The following PLCH2 variants were observed in gnomAD, a reference collection of about 807,000 sequenced individuals.
The protein encoded by PLCH2 is phospholipase C eta 2.
A neutral mutation model predicts 134.7 loss-of-function variants in PLCH2; 98 were observed. The observed-to-expected ratio is 0.73, with a 90% CI of 0.62 to 0.86. The LOEUF is 0.86. Among genes scored for constraint, PLCH2 ranks in the 40% least tolerant of loss-of-function variants. The pLI, the probability that PLCH2 is intolerant of heterozygous loss-of-function variation, is 0.00. For synonymous variants in PLCH2, 974 were observed against 827.5 expected, an observed-to-expected ratio of 1.18 and a Z score of -3.04; for missense variants, 1,994 against 1,986.6, an observed-to-expected ratio of 1.00 and a Z score of -0.07.
chr1:2,498,956 T>C lies in PLCH2; in HGVS notation c.2434+128T>C. ...TGACAGTCCTGGGCGCCCTCCCCTCTAGGTGGGCAGTCCCGGAAGCAGCAC... is the reference window on the plus strand; with the variant it reads ...TGACAGTCCTGGGCGCCCTCCCCTCCAGGTGGGCAGTCCCGGAAGCAGCAC... On this transcript the variant is annotated intron_variant, in intron 18 of 21. Transcript: ENST00000378486. This position sits in a 1 kb window ranked among gnomAD's most constrained non-coding sequence, Gnocchi z 5.4. 1 of 1,381,100 alleles carries C rather than the reference T, an allele frequency of 7.2e-7. No individual in the cohort carries two copies. The highest frequency in any genetic ancestry group is 1.0e-6 in the Non-Finnish European group (1 of 1,000,858). 85.6% of individuals were successfully genotyped at this position (1,381,100 alleles called of 1,614,324 possible).
intron 1 of PLCH2, among the ~76,000 whole-genome samples, chr1:2,477,299 A>G (rs1641687985): frequency 2.0e-5 from 3 of 151,880 alleles, no homozygotes; most frequent in Admixed American, 2.0e-4. Context: ...CCTCTCCTAA[A>G]TCCCTGCAGC....
chr1:2,504,024 C>T lies in PLCH2; in HGVS notation c.3062C>T (p.Ala1021Val). Residue 1021 changes from alanine to valine, a missense_variant, in exon 22 of 22, where the codon GCT becomes GTT. This residue lies in a region of PLCH2 where 900 missense variants were observed against 752.3 expected (regional missense o/e 1.20). Transcript: ENST00000378486. ...APGPGPPPPA[A>V]VPTSSSQGRP... ...GGCCCTGGTCCCCCGCCACCAGCGG[C>T]TGTCCCCACCAGCTCTTCTCAGGGA... The T allele has an allele frequency of 6.5e-7, 1 of 1,536,090 alleles. No homozygotes were observed. The highest frequency in any genetic ancestry group is 8.8e-7 in the Non-Finnish European group (1 of 1,134,888).
the PLCH2 span, among the ~76,000 whole-genome samples, chr1:2,419,287 C>T: frequency 6.6e-6 from 1 of 152,218 alleles, no homozygotes; most frequent in Non-Finnish European, 1.5e-5. Flanking sequence ...ATCCGTAAAT[C>T]CATCTATCCC....
chr1:2,420,479 C>T, the PLCH2 span, among the ~76,000 whole-genome samples: 21 of 152,230 alleles, frequency 1.4e-4, no homozygotes, highest in African/African-American at 4.8e-4. Context: ...GGTTATGTCC[C>T]GGTAGGTAGG....
At chr1:2,501,809 A>C in intron 20 of PLCH2, 1 of 362,422 alleles carries the variant, frequency 2.8e-6, no homozygotes, top group South Asian at 1.2e-4. Context: ...CCTTCTCTCC[A>C]TGCCCCTCAA....
chr1:2,499,067 T>C lies in PLCH2; in HGVS notation c.2435-17T>C. ...GGCCCTCCCCATGGGACACTCCTCC[T>C]GGCGCTGCTTCCCCAGGGTTCAACC... On this transcript the variant is annotated splice_polypyrimidine_tract_variant and intron_variant, in intron 18 of 21. Coordinates refer to ENST00000378486, the MANE Select transcript of PLCH2 (RefSeq NM_014638.4). The C allele has an allele frequency of 1.9e-6, 3 of 1,602,728 alleles. No homozygotes were observed. The highest frequency in any genetic ancestry group is 2.6e-6 in the Non-Finnish European group (3 of 1,175,500).
At chr1:2,456,554 C>T (rs1640504144) in intron 2 of PLCH2, among the ~76,000 whole-genome samples, 1 of 152,232 alleles carries the variant, frequency 6.6e-6, no homozygotes, top group African/African-American at 2.4e-5. Context: ...GGTGGCTCGT[C>T]CTGTGCAGCC....
intron 2 of PLCH2, among the ~76,000 whole-genome samples, chr1:2,431,481 C>T (rs1489155908): frequency 1.3e-5 from 2 of 152,168 alleles, no homozygotes; most frequent in Non-Finnish European, 2.9e-5. Context: ...ACAGCCCCTG[C>T]CGGGCTTGGG....
rs1331442900 is a variant in PLCH2 at position 2,439,584 on chromosome 1, C to A, written c.115+8955C>A. Among the ~76,000 whole-genome samples the A allele has an allele frequency of 1.3e-5, 2 of 152,238 alleles. No individual in the cohort carries two copies. The highest frequency in any genetic ancestry group is 4.1e-4 in the South Asian group (2 of 4,834). On this transcript the variant is annotated intron_variant, in intron 2 of 3. Coordinates refer to the PLCH2 transcript ENST00000609981. This position sits in a 1 kb window ranked among gnomAD's most constrained non-coding sequence, Gnocchi z 4.7. ...AAGCCCATTGATTGAGTTGCGTGCA[C>A]GTGCTCTCTCTGCAGTGCTCAGCTG...
intron 10 of PLCH2, 31 bp downstream of exon 10, chr1:2,489,898 G>GA: frequency 6.8e-7 from 1 of 1,468,310 alleles, no homozygotes; most frequent in Non-Finnish European, 9.5e-7. Flanking sequence ...AGGGGGGCGC[G>GA]TGGAGCCTGC....
chr1:2,488,794 G>T lies in PLCH2; in HGVS notation c.1236-413G>T, dbSNP rs140711939. 8.7e-3 allele frequency among the ~76,000 whole-genome samples: 1,325 copies of T among 152,282 alleles called. 5 individuals carry two copies. Among genetic ancestry groups the T allele is most frequent in the Non-Finnish European group, 0.01 (709 of 68,026 alleles). ...GACCCCAGGGCCATTCAGAGGACAG[G>T]GTCCCCAGTATCTAGGTCAAAAGGA... On this transcript the variant is annotated intron_variant, in intron 8 of 21. Coordinates refer to ENST00000378486, the MANE Select transcript of PLCH2 (RefSeq NM_014638.4).
At chr1:2,496,503 G>A in intron 13 of PLCH2, 104 bp from the exon 14 acceptor site, 1 of 928,220 alleles carries the variant, frequency 1.1e-6, no homozygotes, top group Non-Finnish European at 1.7e-6. Flanking sequence ...GGGGCCTGCT[G>A]CGTGAATTAA....
upstream of PLCH2, among the ~76,000 whole-genome samples, chr1:2,474,385 T>A (rs1570387979): frequency 1.2e-5 from 1 of 84,214 alleles, no homozygotes; most frequent in East Asian, 2.8e-4. Context: ...GGCAGAGGCC[T>A]GTGTCAGGAA....
chr1:2,465,067 C>A (rs559851175), upstream of PLCH2, among the ~76,000 whole-genome samples: 2 of 152,248 alleles, frequency 1.3e-5, no homozygotes, highest in South Asian at 4.1e-4. Flanking sequence ...CATTGCACAT[C>A]AAGGAAACTG....
At chr1:2,422,224 G>A (rs1471255767), upstream of PLCH2, among the ~76,000 whole-genome samples, 6 of 152,198 alleles carry the variant, frequency 3.9e-5, no homozygotes, top group Middle Eastern at 3.4e-3. Flanking sequence ...AGCCGAGATC[G>A]CGCCAGTGCA....
At chr1:2,472,740 A>T (rs1022406059), upstream of PLCH2, among the ~76,000 whole-genome samples, 73 of 152,046 alleles carry the variant, frequency 4.8e-4, no homozygotes, top group African/African-American at 1.8e-3. Context: ...TCGGGAGAGG[A>T]GGGGGCTTAG....
intron 2 of PLCH2, among the ~76,000 whole-genome samples, chr1:2,457,845 A>G (rs1183529698): frequency 6.7e-6 from 1 of 150,332 alleles, no homozygotes; most frequent in African/African-American, 2.5e-5. Flanking sequence ...CTCTTGCCTA[A>G]TGGGCAGGCT....
chr1:2,446,939 G>A (rs1639972321), intron 2 of PLCH2, among the ~76,000 whole-genome samples: 2 of 152,202 alleles, frequency 1.3e-5, no homozygotes, highest in African/African-American at 4.8e-5. Flanking sequence ...GCACCTTTCC[G>A]GGGCCAGCTT....
intron 1 of PLCH2, among the ~76,000 whole-genome samples, chr1:2,428,903 G>A (rs78513244): frequency 0.033 from 4,976 of 152,354 alleles, 128 homozygotes; most frequent in Middle Eastern, 0.037. Context: ...CTTGGGTGAG[G>A]AGGGAGGCCT....
Sources: gnomAD v4.1 joint callset for allele counts (sites outside exome capture counted in the v4.1 genomes callset) on GRCh38, gnomAD v4.1.1 for gene constraint, gnomAD v4.1.1 regional missense constraint, Gnocchi (gnomAD v3.1) non-coding constraint, MANE v1.5 for transcripts, NCBI Gene and HGNC (gene_info 2026-07-23, HGNC 2026-07-21) for gene names.